The following SLC35F1 variants were observed in gnomAD, a reference collection of about 807,000 sequenced individuals.
The protein encoded by SLC35F1 is chromosome 6 open reading frame 169.
A neutral mutation model predicts 48.7 loss-of-function variants in SLC35F1; 14 were observed. The ratio of observed to expected loss-of-function variants is 0.29; its 90% CI spans 0.19 to 0.45. The LOEUF (loss-of-function observed/expected upper bound fraction) is 0.45. Ranked by LOEUF, SLC35F1 falls within the 20% of genes least tolerant of loss-of-function variation. The pLI is 1.00. For missense variants in SLC35F1, 404 were observed against 500.0 expected (o/e 0.81, Z 1.83); for synonymous variants, 190 against 202.2 (o/e 0.94, Z 0.51).
At chr6:118,110,040 T>A (rs1773377422) in intron 1 of SLC35F1, among the ~76,000 whole-genome samples, 2 of 152,056 alleles carry the variant, frequency 1.3e-5, no homozygotes, top group Admixed American at 6.6e-5. Flanking sequence ...TCACGGTAAG[T>A]CTTACAAAGG....
intron 2 of SLC35F1, among the ~76,000 whole-genome samples, chr6:118,204,563 G>A (rs1370634109): frequency 6.6e-6 from 1 of 152,164 alleles, no homozygotes; most frequent in Non-Finnish European, 1.5e-5. Flanking sequence ...ATTGAATCTA[G>A]CTGTGCCCTC....
intron 1 of SLC35F1, among the ~76,000 whole-genome samples, chr6:118,147,023 G>A (rs1044905859): frequency 1.3e-5 from 2 of 152,136 alleles, no homozygotes; most frequent in African/African-American, 4.8e-5. Context: ...AGGCTTGTAT[G>A]TTCTACTTTA....
At chr6:118,124,048 A>C (rs1324542028) in intron 1 of SLC35F1, among the ~76,000 whole-genome samples, 3 of 152,120 alleles carry the variant, frequency 2.0e-5, no homozygotes, top group African/African-American at 2.4e-5. Flanking sequence ...TCTTTTGAGA[A>C]TTTGTCTCTT....
chr6:118,123,587 A>G (rs1773583374), intron 1 of SLC35F1, among the ~76,000 whole-genome samples: 2 of 152,182 alleles, frequency 1.3e-5, no homozygotes, highest in South Asian at 2.1e-4. Flanking sequence ...GAAAATGCCA[A>G]TTTTGGATGT....
At chr6:118,131,581 G>A (rs905922693) in intron 1 of SLC35F1, among the ~76,000 whole-genome samples, 2 of 152,088 alleles carry the variant, frequency 1.3e-5, no homozygotes, top group African/African-American at 4.8e-5. Context: ...CAAAGAATAT[G>A]AATATTATTG....
chr6:118,006,371 C>A (rs993739037), intron 1 of SLC35F1, among the ~76,000 whole-genome samples: 1 of 152,020 alleles, frequency 6.6e-6, no homozygotes, highest in African/African-American at 2.4e-5. Flanking sequence ...AATCCCAGCA[C>A]GTTGGGAAGC....
chr6:118,208,461 A>C (rs1186966359), intron 2 of SLC35F1, among the ~76,000 whole-genome samples: 1 of 152,206 alleles, frequency 6.6e-6, no homozygotes, highest in Non-Finnish European at 1.5e-5. Flanking sequence ...ATTTTGTGTT[A>C]TGGATTAACT....
chr6:118,079,471 C>G (rs1772873597), intron 1 of SLC35F1, among the ~76,000 whole-genome samples: 1 of 152,110 alleles, frequency 6.6e-6, no homozygotes, highest in Non-Finnish European at 1.5e-5. Flanking sequence ...AATATAGGTG[C>G]ACAATTATCT....
intron 1 of SLC35F1, among the ~76,000 whole-genome samples, chr6:118,067,364 A>T (rs1772630735): frequency 6.6e-6 from 1 of 152,156 alleles, no homozygotes; most frequent in Non-Finnish European, 1.5e-5. Flanking sequence ...GCAGATTAAG[A>T]GTCATCAAGG....
chr6:118,119,502 TC>T (rs1183589970), intron 1 of SLC35F1, among the ~76,000 whole-genome samples: 3 of 88,144 alleles, frequency 3.4e-5, no homozygotes, highest in Non-Finnish European at 6.4e-5. Flanking sequence ...GCGCCCCCCC[TC>T]CACCCCGCTT....
At chr6:118,167,610 C>A (rs1290726791) in intron 2 of SLC35F1, among the ~76,000 whole-genome samples, 1 of 151,916 alleles carries the variant, frequency 6.6e-6, no homozygotes, top group East Asian at 1.9e-4. Context: ...AAGTGTACAC[C>A]TATATAGAGC....
At chr6:118,158,975 C>T (rs1427622123) in intron 2 of SLC35F1, among the ~76,000 whole-genome samples, 3 of 151,758 alleles carry the variant, frequency 2.0e-5, no homozygotes, top group African/African-American at 4.8e-5. Context: ...AATCCCAGCA[C>T]TTTGGGAGGC....
At chr6:117,992,671 A>T (rs926126711) in intron 1 of SLC35F1, among the ~76,000 whole-genome samples, 1 of 152,226 alleles carries the variant, frequency 6.6e-6, no homozygotes, top group Non-Finnish European at 1.5e-5. Context: ...TTATTTCTCT[A>T]TGAGAGAGAT....
intron 1 of SLC35F1, among the ~76,000 whole-genome samples, chr6:118,127,173 G>C (rs1773639041): frequency 6.6e-6 from 1 of 151,418 alleles, no homozygotes; most frequent in Admixed American, 6.6e-5. Flanking sequence ...CTAATTTATT[G>C]AGAGTTTTTA....
At chr6:117,996,851 C>CT (rs1446592971) in intron 1 of SLC35F1, among the ~76,000 whole-genome samples, 3 of 152,204 alleles carry the variant, frequency 2.0e-5, no homozygotes, top group African/African-American at 7.2e-5. Flanking sequence ...ACTGGAAACT[C>CT]TAAAAAGCAG....
chr6:117,914,478 G>T (rs1368205452), intron 1 of SLC35F1, among the ~76,000 whole-genome samples: 1 of 152,130 alleles, frequency 6.6e-6, no homozygotes, highest in Non-Finnish European at 1.5e-5. Flanking sequence ...AAGCACTCTG[G>T]TCTGTCGTAT....
At chr6:118,101,876 C>CA (rs1773263024) in intron 1 of SLC35F1, among the ~76,000 whole-genome samples, 1 of 152,366 alleles carries the variant, frequency 6.6e-6, no homozygotes, top group South Asian at 2.1e-4. Context: ...GCTCCCTTTT[C>CA]TCTGAAATTG....
At chr6:118,023,051 C>G (rs1777417447) in intron 1 of SLC35F1, among the ~76,000 whole-genome samples, 1 of 152,158 alleles carries the variant, frequency 6.6e-6, no homozygotes, top group Admixed American at 6.5e-5. Flanking sequence ...AGCCACCATG[C>G]CCGGCCGGGC....
intron 1 of SLC35F1, among the ~76,000 whole-genome samples, chr6:118,107,725 A>G (rs1657844169): frequency 6.6e-6 from 1 of 151,934 alleles, no homozygotes; most frequent in African/African-American, 2.4e-5. Context: ...CATATGGGCA[A>G]CGGGTATGTG....
Sources: allele counts gnomAD v4.1 joint callset (sites outside exome capture counted in the v4.1 genomes callset), GRCh38; gene constraint gnomAD v4.1.1; transcripts MANE v1.5; gene names NCBI Gene and HGNC (gene_info 2026-07-23, HGNC 2026-07-21).